NLRP8: variants seen among roughly 807,000 people sequenced by gnomAD.
NLRP8 encodes NACHT, LRR and PYD domains-containing protein 8.
NLRP8 carries 86 observed loss-of-function variants against 88.7 expected under a neutral mutation model. The observed-to-expected ratio is 0.97, with a 90% CI of 0.81 to 1.16. The LOEUF (loss-of-function observed/expected upper bound fraction) is 1.16, where lower values mean the gene tolerates loss of function less well. Among genes scored for constraint, NLRP8 ranks in the 50% most tolerant of loss-of-function variants. The probability of loss-of-function intolerance (pLI) is 0.00; values close to 1 mark genes in which losing one functional copy is unlikely to be tolerated. For synonymous variants in NLRP8, 504 were observed against 494.6 expected, an observed-to-expected ratio of 1.02 and a Z score of -0.25; for missense variants, 1,342 against 1,286.5, an observed-to-expected ratio of 1.04 and a Z score of -0.66.
At chr19:55,980,277 G>T (rs536331315) in intron 9 of NLRP8, among the ~76,000 whole-genome samples, 1 of 152,152 alleles carries the variant, frequency 6.6e-6, no homozygotes, top group Non-Finnish European at 1.5e-5. Context: ...AAGAAAAGTC[G>T]CACATACGGC....
chr19:55,955,179 A>G lies in NLRP8; in HGVS notation c.1121A>G (p.Glu374Gly), dbSNP rs1272156956. ...TTCCAGATGTATTTTGGACACACAGAGGAGGGAGACCAAGTCTTGAGTTTC... is the reference window on the plus strand; with the variant it reads ...TTCCAGATGTATTTTGGACACACAGGGGAGGGAGACCAAGTCTTGAGTTTC... Residue 374 changes from glutamate to glycine, a missense_variant, in exon 3 of 10, where the codon GAG becomes GGG. Coordinates refer to ENST00000291971, the MANE Select transcript of NLRP8 (RefSeq NM_176811.2). 1.2e-6 allele frequency: 2 copies of G among 1,614,112 alleles called. No individual in the cohort carries two copies. The highest frequency in any genetic ancestry group is 1.7e-6 in the Non-Finnish European group (2 of 1,179,990).
intron 6 of NLRP8, among the ~76,000 whole-genome samples, chr19:55,971,175 C>T (rs1980058331): frequency 6.6e-6 from 1 of 152,162 alleles, no homozygotes; most frequent in Non-Finnish European, 1.5e-5. Flanking sequence ...CACGGTGGCT[C>T]ATGCCTGTAA....
chr19:55,965,195 A>G (rs1050158979), intron 4 of NLRP8, among the ~76,000 whole-genome samples: 1 of 152,190 alleles, frequency 6.6e-6, no homozygotes, highest in African/African-American at 2.4e-5. Context: ...TTATGCCTGT[A>G]ATCCCAGCAC....
chr19:55,966,083 G>A, intron 4 of NLRP8, 130 bp from the exon 5 acceptor site: 1 of 726,898 alleles, frequency 1.4e-6, no homozygotes, highest in Non-Finnish European at 2.4e-6. Flanking sequence ...CCTGAATTCA[G>A]TTGTAAACCC....
At position 55,955,533 on chromosome 19, in the gene NLRP8, T is replaced by C. The variant is rs374476572; in HGVS notation, c.1475T>C (p.Ile492Thr). ...GTCACCGCCTTCCTTGGCATGAGTA[T>C]TCTTCGGAGAATTGCAGGTGAGGAA... Residue 492 changes from isoleucine to threonine, a missense_variant, in exon 3 of 10, where the codon ATT (isoleucine) becomes ACT (threonine). Physicochemically the swap from Ile to Thr is moderately conservative, Grantham distance 89 (BLOSUM62 -1). Coordinates refer to ENST00000291971, the MANE Select transcript of NLRP8 (RefSeq NM_176811.2). The C allele has an allele frequency of 1.9e-6, 3 of 1,614,214 alleles. No homozygotes were observed. Among genetic ancestry groups the C allele is most frequent in the Non-Finnish European group, 2.5e-6 (3 of 1,180,034 alleles).
chr19:55,966,506 T>A, intron 5 of NLRP8, 126 bp downstream of exon 5: 1 of 955,430 alleles, frequency 1.0e-6, no homozygotes, highest in Non-Finnish European at 1.5e-6. Flanking sequence ...TGTTCAACTT[T>A]AAAAGTACAA....
chr19:55,962,942 C>A (rs1242936971), intron 4 of NLRP8, among the ~76,000 whole-genome samples: 1 of 152,180 alleles, frequency 6.6e-6, no homozygotes, highest in Non-Finnish European at 1.5e-5. Flanking sequence ...CACCGCCTTA[C>A]AGAAGCCACG....
At chr19:55,976,068 T>G in intron 7 of NLRP8, 65 bp from the exon 8 acceptor site, 32 of 1,322,152 alleles carry the variant, frequency 2.4e-5, no homozygotes, top group Non-Finnish European at 2.9e-5. Context: ...GTTTTCGTTG[T>G]TGTTGTTGTT....
chr19:55,966,004 T>C (rs1313465917), intron 4 of NLRP8, among the ~76,000 whole-genome samples: 1 of 152,196 alleles, frequency 6.6e-6, no homozygotes, highest in Non-Finnish European at 1.5e-5. Context: ...GCCATTCATT[T>C]TGACTTACAG....
At chr19:55,973,597 TG>T in intron 6 of NLRP8, 54 bp from the exon 7 acceptor site, 1 of 1,478,020 alleles carries the variant, frequency 6.8e-7, no homozygotes, top group Non-Finnish European at 9.2e-7. Context: ...ATCACCCTTC[TG>T]TGTGAGACAA....
Position 55,970,780 on chromosome 19 carries a change from G to T in NLRP8, c.2534+84G>T, listed in dbSNP as rs975052558. The T allele has an allele frequency of 4.5e-6, 7 of 1,564,892 alleles. No homozygotes were observed. The African/African-American group carries it at 8.2e-5, about 18-fold the overall frequency. The stretch of plus-strand genomic sequence containing the variant: ...ATTTAGTGCTTCTGTGAGAAAAGAA[G>T]TCATAGGGAAGGTACATGTATAGGA... On this transcript the variant is annotated intron_variant, in intron 6 of 9. Transcript: ENST00000291971.
At chr19:55,972,790 G>GGTGTGT (rs779127687) in intron 6 of NLRP8, among the ~76,000 whole-genome samples, 1 of 138,830 alleles carries the variant, frequency 7.2e-6, no homozygotes, top group Non-Finnish European at 1.6e-5. Context: ...AGTATTCCAT[G>GGTGTGT]GTGTGTGTGT....
chr19:55,954,536 A>G lies in NLRP8; in HGVS notation c.478A>G (p.Lys160Glu). 1 of 1,613,888 alleles carries G rather than the reference A, an allele frequency of 6.2e-7. No individual in the cohort carries two copies. The highest frequency in any genetic ancestry group is 1.7e-5 in the Admixed American group (1 of 59,962). ...GCGGTATAAATCGAATGTGATGGAA[A>G]AGTTTTTCCCCATATGGGACATTAC... is the stretch of plus-strand genomic sequence containing the variant. Residue 160 changes from lysine (K) to glutamate (E), a missense_variant, in exon 3 of 10, where the codon AAG (lysine) becomes GAG (glutamate). Transcript: ENST00000291971.
In NLRP8 at chr19:55,988,391, T is replaced by C; in HGVS notation, c.*478T>C. On this transcript the variant is annotated 3_prime_UTR_variant, in exon 10 of 10. Transcript: ENST00000291971. ...GCCTGGGCGACAGAGCAAGACTCTG[T>C]CTCAAGAAGAAAAAAAAAATACATA... The C allele has an allele frequency of 6.9e-6, 1 of 144,686 alleles. No homozygotes were observed. The highest frequency in any genetic ancestry group is 1.5e-5 in the Non-Finnish European group (1 of 66,922). 9.0% of individuals were successfully genotyped at this position (144,686 alleles called of 1,614,324 possible). A position where few individuals can be genotyped will look rare whatever the true frequency, so the allele number is the denominator to read the frequency against.
chr19:55,965,859 T>C (rs889026784), intron 4 of NLRP8, among the ~76,000 whole-genome samples: 1 of 128,320 alleles, frequency 7.8e-6, no homozygotes, highest in African/African-American at 2.9e-5. Flanking sequence ...CCTGTGTCCA[T>C]GTGTTCTCAT....
At position 55,987,911 on chromosome 19, in the gene NLRP8, T is replaced by A. The variant is rs760582362; in HGVS notation, c.3145T>A (p.Ter1049LysextTer10). 6.2e-7 allele frequency: 1 copy of A among 1,609,006 alleles called. No homozygotes were observed. Among genetic ancestry groups the A allele is most frequent in the Non-Finnish European group, 8.5e-7 (1 of 1,175,390 alleles). Residue 1049 changes from the stop codon to lysine (K), a stop_lost, in exon 10 of 10, where the codon TAG (stop) becomes AAG (lysine). Coordinates refer to ENST00000291971, the MANE Select transcript of NLRP8 (RefSeq NM_176811.2). The stretch of plus-strand genomic sequence containing the variant: ...TGACTGCCTATCCCAGATTAATCCT[T>A]AGGCCGTCCAGTCATCTTTCTCTGG...
chr19:55,988,442 G>GTATATATATATATA lies in NLRP8; in HGVS notation c.*530_*531insATATATATATATAT, dbSNP rs1165775867. On this transcript the variant is annotated 3_prime_UTR_variant, in exon 10 of 10. Coordinates refer to ENST00000291971, the MANE Select transcript of NLRP8 (RefSeq NM_176811.2). ...TACACATAAATATATATATGTGTGT[G>GTATATATATATATA]TGTATATATATATATATATATATAT... The GTATATATATATATA allele has an allele frequency of 0.026, 2,644 of 103,144 alleles. 39 individuals are homozygous for GTATATATATATATA. Among genetic ancestry groups the GTATATATATATATA allele is most frequent in the African/African-American group, 0.036 (904 of 25,170 alleles). The allele number at this position is 103,144 out of a possible 1,614,324, so 6.4% of individuals were successfully genotyped here. A position where few individuals can be genotyped will look rare whatever the true frequency, so the allele number is the denominator to read the frequency against.
chr19:55,988,229 T>TAAA lies in NLRP8; in HGVS notation c.*325_*327dup, dbSNP rs3055401. On this transcript the variant is annotated 3_prime_UTR_variant, in exon 10 of 10. Transcript: ENST00000291971. ...CAACATGGTGAAACCCCGCCTCTAC[T>TAAA]AAAAAAAAAAATACAAAAAATTAGG... 18,649 of 150,962 alleles carry TAAA rather than the reference T, an allele frequency of 0.12. 1,359 individuals are homozygous for TAAA. Among genetic ancestry groups the TAAA allele is most frequent in the East Asian group, 0.26 (1,393 of 5,280 alleles). The allele number at this position is 150,962 out of a possible 1,614,324, so 9.4% of individuals were successfully genotyped here.
intron 6 of NLRP8, 105 bp downstream of exon 6, chr19:55,970,801 T>A: frequency 7.1e-7 from 1 of 1,417,162 alleles, no homozygotes. Flanking sequence ...GGTACATGTA[T>A]AGGAGCAAAC....
Sources: gnomAD v4.1 joint callset for allele counts (sites outside exome capture counted in the v4.1 genomes callset) on GRCh38, gnomAD v4.1.1 for gene constraint, MANE v1.5 for transcripts, NCBI Gene and HGNC (gene_info 2026-07-23, HGNC 2026-07-21) for gene names.